The following NREP variants were observed in gnomAD, a reference collection of about 807,000 sequenced individuals.
The protein encoded by NREP is neuronal regeneration related protein, also known as neuronal regeneration-related protein.
NREP carries 5 observed loss-of-function variants against 8.6 expected under a neutral mutation model. The ratio of observed to expected loss-of-function variants is 0.58; its 90% CI spans 0.30 to 1.22. The LOEUF (loss-of-function observed/expected upper bound fraction) is 1.22. NREP is among the 50% of genes most tolerant of loss of function. The pLI is 0.07. For synonymous variants in NREP, 27 were observed against 28.0 expected (o/e 0.96, Z 0.11); for missense variants, 86 against 82.5 (o/e 1.04, Z -0.17).
chr5:111,790,619 T>C (rs1444291231), intron 2 of NREP, among the ~76,000 whole-genome samples: 1 of 152,032 alleles, frequency 6.6e-6, no homozygotes, highest in Non-Finnish European at 1.5e-5. Flanking sequence ...TTTAAAAGGT[T>C]TCGCCTATCC....
chr5:111,952,585 A>G (rs1279079877), intron 2 of NREP, among the ~76,000 whole-genome samples: 1 of 152,150 alleles, frequency 6.6e-6, no homozygotes, highest in African/African-American at 2.4e-5. Context: ...GCAATAGGAC[A>G]AGAAGTGAAG....
intron 2 of NREP, among the ~76,000 whole-genome samples, chr5:111,954,127 C>T (rs1756243232): frequency 6.6e-6 from 1 of 152,092 alleles, no homozygotes; most frequent in Non-Finnish European, 1.5e-5. Flanking sequence ...TCTATATCTA[C>T]ATCTATCTAT....
At chr5:111,833,486 A>G (rs1157675042) in intron 2 of NREP, among the ~76,000 whole-genome samples, 2 of 152,226 alleles carry the variant, frequency 1.3e-5, no homozygotes, top group Non-Finnish European at 2.9e-5. Flanking sequence ...CTAATAAATC[A>G]TACTGTATCT....
In NREP at chr5:111,919,202, C is replaced by CA. The variant is rs199632131; in HGVS notation, c.135+56071dup. Among the ~76,000 whole-genome samples the CA allele has an allele frequency of 9.9e-3, 1,502 of 152,184 alleles. 32 individuals are homozygous for CA. Among genetic ancestry groups the CA allele is most frequent in the African/African-American group, 0.035 (1,433 of 41,510 alleles). The stretch of plus-strand genomic sequence containing the variant: ...TACCATCTCATGCCAGTTAGAATGG[C>CA]AATCATTAGCAAGTCAGGAAACAAC... On this transcript the variant is annotated intron_variant, in intron 2 of 3. Transcript: ENST00000395634.
At chr5:111,773,504 G>A (rs980138621) in intron 2 of NREP, among the ~76,000 whole-genome samples, 9 of 152,128 alleles carry the variant, frequency 5.9e-5, no homozygotes, top group African/African-American at 2.2e-4. Context: ...ATTCTACTGA[G>A]GATATTTAAC....
Position 111,954,462 on chromosome 5 carries a change from G to A in NREP, c.135+20812C>T, listed in dbSNP as rs549817917. Among the ~76,000 whole-genome samples the A allele has an allele frequency of 1.0e-3, 156 of 152,230 alleles. 1 individual carries two copies. Among genetic ancestry groups the A allele is most frequent in the Non-Finnish European group, 1.5e-3 (102 of 67,992 alleles). On this transcript the variant is annotated intron_variant, in intron 2 of 3. Transcript: ENST00000395634. Reference sequence around the variant, plus strand: ...TGATATGTTTTGGTTTGATTTTTCTGAGCTCCAAAAATTGTTAAAGAGTGG... The same window carrying A: ...TGATATGTTTTGGTTTGATTTTTCTAAGCTCCAAAAATTGTTAAAGAGTGG...
At chr5:111,904,906 G>T (rs1488513086) in intron 2 of NREP, among the ~76,000 whole-genome samples, 1 of 152,046 alleles carries the variant, frequency 6.6e-6, no homozygotes, top group Non-Finnish European at 1.5e-5. Context: ...CTCTCAAAGA[G>T]AACCATTTCC....
chr5:111,943,341 C>T (rs1229152160), intron 2 of NREP, among the ~76,000 whole-genome samples: 1 of 152,068 alleles, frequency 6.6e-6, no homozygotes, highest in Non-Finnish European at 1.5e-5. Flanking sequence ...TCCTTGCCTT[C>T]TCTGTCTTGC....
intron 2 of NREP, among the ~76,000 whole-genome samples, chr5:111,893,203 C>T (rs1294882211): frequency 6.6e-6 from 1 of 152,174 alleles, no homozygotes; most frequent in Non-Finnish European, 1.5e-5. Context: ...GTCCAGTCAT[C>T]AGGATGGCCT....
At chr5:111,804,641 A>C (rs1049232046) in intron 2 of NREP, among the ~76,000 whole-genome samples, 1 of 152,134 alleles carries the variant, frequency 6.6e-6, no homozygotes, top group African/African-American at 2.4e-5. Flanking sequence ...AGTTCAGGGA[A>C]AGCGCTGCTA....
intron 2 of NREP, among the ~76,000 whole-genome samples, chr5:111,857,357 A>C (rs1753448433): frequency 1.3e-5 from 2 of 152,220 alleles, no homozygotes; most frequent in South Asian, 4.1e-4. Flanking sequence ...GGAGAGCAGA[A>C]TCCAAAAGCC....
At chr5:111,869,066 A>G (rs1423903854) in intron 2 of NREP, among the ~76,000 whole-genome samples, 1 of 152,214 alleles carries the variant, frequency 6.6e-6, no homozygotes, top group African/African-American at 2.4e-5. Context: ...CTAGTAAGAA[A>G]TACGTGGGAG....
intron 2 of NREP, among the ~76,000 whole-genome samples, chr5:111,745,779 C>A (rs1749963163): frequency 6.6e-6 from 1 of 152,046 alleles, no homozygotes; most frequent in Non-Finnish European, 1.5e-5. Context: ...AATATAAACA[C>A]TTTTCAGACA....
intron 2 of NREP, among the ~76,000 whole-genome samples, chr5:111,887,100 T>G (rs1754279149): frequency 6.6e-6 from 1 of 152,022 alleles, no homozygotes; most frequent in Non-Finnish European, 1.5e-5. Context: ...CCTATTAAAT[T>G]TTTTATAGAG....
In NREP at chr5:111,731,061, G is replaced by C; in HGVS notation, c.82-15C>G. ...GGAAGTCTTCCCTGCAAAGCAGGCA[G>C]ACCCACACACAGACAGACACACATA... is the stretch of plus-strand genomic sequence containing the variant. On this transcript the variant is annotated splice_polypyrimidine_tract_variant and intron_variant, in intron 3 of 3. Coordinates refer to ENST00000257435, the MANE Select transcript of NREP (RefSeq NM_004772.4). 1 of 1,613,354 alleles carries C rather than the reference G, an allele frequency of 6.2e-7. No individual in the cohort carries two copies. Among genetic ancestry groups the C allele is most frequent in the Non-Finnish European group, 8.5e-7 (1 of 1,179,594 alleles).
intron 2 of NREP, among the ~76,000 whole-genome samples, chr5:111,742,767 G>A (rs139485324): frequency 5.3e-4 from 80 of 152,100 alleles, no homozygotes; most frequent in Admixed American, 2.1e-3. Context: ...AAACATTTAC[G>A]TTGTGCAACA....
intron 2 of NREP, among the ~76,000 whole-genome samples, chr5:111,790,621 C>T (rs752816797): frequency 6.6e-6 from 1 of 151,772 alleles, no homozygotes; most frequent in Non-Finnish European, 1.5e-5. Context: ...TAAAAGGTTT[C>T]GCCTATCCAT....
Position 111,729,488 on chromosome 5 carries a change from C to G in NREP, c.*1433G>C, listed in dbSNP as rs1485887200. 6 of 152,616 alleles carry G rather than the reference C, an allele frequency of 3.9e-5. No homozygotes were observed. The highest frequency in any genetic ancestry group is 5.9e-5 in the Non-Finnish European group (4 of 68,048). The allele number at this position is 152,616 out of a possible 1,614,324, so 9.5% of individuals were successfully genotyped here. On this transcript the variant is annotated 3_prime_UTR_variant, in exon 4 of 4. Coordinates refer to ENST00000257435, the MANE Select transcript of NREP (RefSeq NM_004772.4). ...ATACTGTTTTCTTGCTCTATTTACA[C>G]AGCTGATATACCTATTCTAACGAAG...
intron 2 of NREP, among the ~76,000 whole-genome samples, chr5:111,843,371 T>C (rs988949520): frequency 1.3e-5 from 2 of 151,982 alleles, no homozygotes; most frequent in African/African-American, 2.4e-5. Flanking sequence ...ACTTGGGTCA[T>C]TGCATTTTTT....
Sources: gnomAD v4.1 joint callset for allele counts (sites outside exome capture counted in the v4.1 genomes callset) on GRCh38, gnomAD v4.1.1 for gene constraint, MANE v1.5 for transcripts, NCBI Gene and HGNC (gene_info 2026-07-23, HGNC 2026-07-21) for gene names.